The following PTPRD variants were observed in gnomAD, a reference collection of about 807,000 sequenced individuals.
The protein encoded by PTPRD is receptor-type tyrosine-protein phosphatase delta.
A neutral mutation model predicts 214.5 loss-of-function variants in PTPRD; 34 were observed. That is an observed-to-expected ratio of 0.16 (90% CI 0.12 to 0.21). PTPRD has a LOEUF of 0.21. Among genes scored for constraint, PTPRD ranks in the 10% least tolerant of loss-of-function variants. The pLI is 1.00. For synonymous variants in PTPRD, 1,128 were observed against 845.7 expected (o/e 1.33, Z -5.79); for missense variants, 2,545 against 2,398.7 (o/e 1.06, Z -1.27).
intron 3 of PTPRD, among the ~76,000 whole-genome samples, chr9:10,244,133 A>G (rs2091656717): frequency 6.6e-6 from 1 of 151,912 alleles, no homozygotes; most frequent in African/African-American, 2.4e-5. Context: ...ATCTAATGGT[A>G]TCCCACTCAA....
chr9:9,924,632 G>C (rs1291763354), intron 5 of PTPRD, among the ~76,000 whole-genome samples: 1 of 151,974 alleles, frequency 6.6e-6, no homozygotes, highest in Non-Finnish European at 1.5e-5. Context: ...AAAGAAACAT[G>C]GTCCTGTGTT....
intron 10 of PTPRD, among the ~76,000 whole-genome samples, chr9:9,129,241 T>C (rs2099838868): frequency 6.6e-6 from 1 of 152,062 alleles, no homozygotes; most frequent in African/African-American, 2.4e-5. Context: ...AATACCAAAA[T>C]TAGCCAGGCA....
At chr9:8,546,282 T>A (rs1249389185) in intron 14 of PTPRD, among the ~76,000 whole-genome samples, 5 of 152,232 alleles carry the variant, frequency 3.3e-5, no homozygotes, top group Non-Finnish European at 5.9e-5. Context: ...TCTCATCTGC[T>A]GGAGAACAGA....
At chr9:8,576,393 T>C (rs924886472) in intron 14 of PTPRD, among the ~76,000 whole-genome samples, 3 of 152,146 alleles carry the variant, frequency 2.0e-5, no homozygotes, top group African/African-American at 7.2e-5. Context: ...ATAATGGTTC[T>C]TTTATGGTCA....
intron 12 of PTPRD, among the ~76,000 whole-genome samples, chr9:8,728,754 T>C (rs1339351457): frequency 1.3e-5 from 2 of 151,866 alleles, no homozygotes; most frequent in Non-Finnish European, 1.5e-5. Context: ...CTGAGGCAAG[T>C]GGATGATTTG....
intron 7 of PTPRD, among the ~76,000 whole-genome samples, chr9:9,718,962 A>G (rs1595953543): frequency 6.6e-6 from 1 of 152,154 alleles, no homozygotes; most frequent in Non-Finnish European, 1.5e-5. Context: ...CCCTGGTGAA[A>G]CCCACCTTCA....
At chr9:9,374,402 A>G (rs2060267880) in intron 9 of PTPRD, among the ~76,000 whole-genome samples, 1 of 152,140 alleles carries the variant, frequency 6.6e-6, no homozygotes, top group East Asian at 1.9e-4. Flanking sequence ...TAGAATTTCA[A>G]AAGAAGAAGA....
At chr9:9,780,546 G>A (rs954428282) in intron 5 of PTPRD, among the ~76,000 whole-genome samples, 6 of 152,128 alleles carry the variant, frequency 3.9e-5, no homozygotes, top group African/African-American at 1.4e-4. Flanking sequence ...ACCACCAAAT[G>A]TTAGCAAACA....
chr9:8,908,610 T>A (rs2098724661), intron 11 of PTPRD, among the ~76,000 whole-genome samples: 2 of 152,002 alleles, frequency 1.3e-5, no homozygotes, highest in African/African-American at 4.8e-5. Flanking sequence ...GGAGGCTGAT[T>A]TATAGCTATA....
chr9:9,517,184 C>T (rs1012405832), intron 8 of PTPRD, among the ~76,000 whole-genome samples: 6 of 151,884 alleles, frequency 4.0e-5, no homozygotes, highest in Admixed American at 3.3e-4. Context: ...GGCACTGTGC[C>T]AGGTGAAGGG....
intron 5 of PTPRD, among the ~76,000 whole-genome samples, chr9:9,884,765 T>C (rs1354785703): frequency 4.6e-5 from 7 of 152,136 alleles, no homozygotes; most frequent in African/African-American, 2.4e-5. Context: ...TGAGATCTGA[T>C]GGTTTTATAA....
At chr9:10,558,607 T>C (rs925177214) in intron 2 of PTPRD, among the ~76,000 whole-genome samples, 2 of 152,190 alleles carry the variant, frequency 1.3e-5, no homozygotes, top group Non-Finnish European at 2.9e-5. Context: ...TTTACCATGA[T>C]GTTTTACAAT....
At chr9:8,812,514 T>G (rs76072158) in intron 11 of PTPRD, among the ~76,000 whole-genome samples, 2,624 of 152,310 alleles carry the variant, frequency 0.017, 74 homozygotes, top group African/African-American at 0.06. Flanking sequence ...GATGATAAAG[T>G]TATTTAATAT....
At chr9:10,542,693 G>A (rs944553552) in intron 2 of PTPRD, among the ~76,000 whole-genome samples, 2 of 151,696 alleles carry the variant, frequency 1.3e-5, no homozygotes, top group African/African-American at 4.8e-5. Context: ...ATTTACTATA[G>A]ATTTTCTTCC....
chr9:9,404,212 G>A (rs922464383), intron 8 of PTPRD, among the ~76,000 whole-genome samples: 1 of 152,024 alleles, frequency 6.6e-6, no homozygotes, highest in African/African-American at 2.4e-5. Context: ...TCATTGGAGG[G>A]TTTTAAGAAG....
At chr9:8,852,628 A>G (rs1218306808) in intron 11 of PTPRD, among the ~76,000 whole-genome samples, 2 of 152,216 alleles carry the variant, frequency 1.3e-5, no homozygotes, top group East Asian at 3.8e-4. Context: ...TACATGACCT[A>G]CTAGCTTACA....
intron 14 of PTPRD, among the ~76,000 whole-genome samples, chr9:8,607,047 G>C (rs185774707): frequency 1.1e-4 from 16 of 152,314 alleles, no homozygotes; most frequent in Non-Finnish European, 1.3e-4. Flanking sequence ...GTTTGGAATA[G>C]TTGGGAAGAC....
intron 7 of PTPRD, among the ~76,000 whole-genome samples, chr9:9,682,333 T>A (rs540293257): frequency 6.6e-6 from 1 of 151,896 alleles, no homozygotes; most frequent in East Asian, 1.9e-4. Flanking sequence ...TACACTATAT[T>A]TTTTATTTTC....
chr9:8,422,847 A>T (rs1476077533), intron 35 of PTPRD, among the ~76,000 whole-genome samples: 8 of 152,168 alleles, frequency 5.3e-5, no homozygotes, highest in Non-Finnish European at 1.5e-5. Flanking sequence ...AGGTCAATTA[A>T]TTACTGGTAG....
Sources: gnomAD v4.1 joint callset for allele counts (sites outside exome capture counted in the v4.1 genomes callset) on GRCh38, gnomAD v4.1.1 for gene constraint, MANE v1.5 for transcripts, NCBI Gene and HGNC (gene_info 2026-07-23, HGNC 2026-07-21) for gene names.